VIRMA: variants seen among roughly 807,000 people sequenced by gnomAD.
VIRMA encodes vir like m6A methyltransferase associated.
VIRMA carries 65 observed loss-of-function variants against 182.4 expected under a neutral mutation model. The ratio of observed to expected loss-of-function variants is 0.36; its 90% CI spans 0.29 to 0.44. The LOEUF (loss-of-function observed/expected upper bound fraction) is 0.44. Among genes scored for constraint, VIRMA ranks in the 20% least tolerant of loss-of-function variants. The pLI is 1.00. For synonymous variants in VIRMA, 709 were observed against 743.1 expected, an observed-to-expected ratio of 0.95 and a Z score of 0.75; for missense variants, 1,752 against 2,158.1, an observed-to-expected ratio of 0.81 and a Z score of 3.73.
At chr8:94,549,871 GA>G (rs1209603903) in intron 1 of VIRMA, among the ~76,000 whole-genome samples, 1 of 152,176 alleles carries the variant, frequency 6.6e-6, no homozygotes, top group East Asian at 1.9e-4. Context: ...TGAGGTGGGA[GA>G]ATCGCTTGAG....
intron 10 of VIRMA, among the ~76,000 whole-genome samples, chr8:94,517,037 C>T (rs1814583902): frequency 2.0e-5 from 3 of 152,162 alleles, no homozygotes; most frequent in Non-Finnish European, 4.4e-5. Flanking sequence ...TCATTCGATA[C>T]ACATTTATAT....
intron 1 of VIRMA, among the ~76,000 whole-genome samples, chr8:94,548,829 T>C (rs1054588453): frequency 1.3e-5 from 2 of 152,120 alleles, no homozygotes; most frequent in African/African-American, 4.8e-5. Flanking sequence ...CTAATTTTTT[T>C]TGTATTTTTA....
chr8:94,496,292 T>C (rs374924113), intron 18 of VIRMA, 36 bp downstream of exon 18: 76 of 1,575,358 alleles, frequency 4.8e-5, no homozygotes, highest in Non-Finnish European at 6.0e-5. Flanking sequence ...GAGAGGAAAA[T>C]AGGCCTTAAG....
intron 16 of VIRMA, among the ~76,000 whole-genome samples, chr8:94,501,167 A>G (rs12681564): frequency 0.27 from 40,021 of 150,414 alleles, 5,823 homozygotes; most frequent in East Asian, 0.5. Flanking sequence ...GAGGCAGGAG[A>G]ATCACTTGAA....
In VIRMA at chr8:94,510,922, G is replaced by A; in HGVS notation, c.3390+263C>T. ...AACACATGGTAAGGTGTGGGGGAAA[G>A]GATTTAAAATAACAGAAAAATGTAA... is the stretch of plus-strand genomic sequence containing the variant. On this transcript the variant is annotated intron_variant, in intron 13 of 23. Transcript: ENST00000297591. 3.3e-6 allele frequency: 4 copies of A among 1,225,876 alleles called. No individual in the cohort carries two copies. In the South Asian group the frequency reaches 7.4e-5, roughly 23 times the overall value. The allele number at this position is 1,225,876 out of a possible 1,614,324, so 75.9% of individuals were successfully genotyped here.
Position 94,490,096 on chromosome 8 carries a change from G to C in VIRMA, c.5141-14C>G. 1 of 1,585,924 alleles carries C rather than the reference G, an allele frequency of 6.3e-7. No homozygotes were observed. Among genetic ancestry groups the C allele is most frequent in the Non-Finnish European group, 8.6e-7 (1 of 1,167,926 alleles). On this transcript the variant is annotated splice_polypyrimidine_tract_variant and intron_variant, in intron 22 of 23. Coordinates refer to ENST00000297591, the MANE Select transcript of VIRMA (RefSeq NM_015496.5). ...GACTGTAGTTTCCTAAACACAAACA[G>C]CACAATCAAAATCACTTTTTTCACA...
At chr8:94,525,113 T>A (rs111399760) in intron 8 of VIRMA, among the ~76,000 whole-genome samples, 54 of 152,032 alleles carry the variant, frequency 3.6e-4, no homozygotes, top group African/African-American at 1.2e-3. Context: ...TTCTCAGGGT[T>A]CCCCCCAAAG....
At chr8:94,539,683 G>C (rs553346367) in intron 2 of VIRMA, among the ~76,000 whole-genome samples, 10 of 152,128 alleles carry the variant, frequency 6.6e-5, no homozygotes, top group Admixed American at 1.3e-4. Context: ...CTAAGAAAAT[G>C]TTCACATCAA....
chr8:94,522,784 T>C lies in VIRMA; in HGVS notation c.2022-3308A>G, dbSNP rs191023988. Among the ~76,000 whole-genome samples the C allele has an allele frequency of 9.5e-4, 145 of 152,334 alleles. 1 individual carries two copies. The highest frequency in any genetic ancestry group is 3.3e-3 in the African/African-American group (139 of 41,578). On this transcript the variant is annotated intron_variant, in intron 8 of 23. Coordinates refer to ENST00000297591, the MANE Select transcript of VIRMA (RefSeq NM_015496.5). The stretch of plus-strand genomic sequence containing the variant: ...TACCTAGAAACCTCAGACTATCTTA[T>C]CTTCCTAGTAACTCTAATTTCTTTT...
rs1428687639 is a variant in VIRMA at position 94,487,751 on chromosome 8, A to G, written c.*955T>C. The G allele has an allele frequency of 2.0e-5, 3 of 152,234 alleles. No homozygotes were observed. The highest frequency in any genetic ancestry group is 4.4e-5 in the Non-Finnish European group (3 of 68,040). The allele number at this position is 152,234 out of a possible 1,614,324, so 9.4% of individuals were successfully genotyped here. ...ATATAGACTCAGTGTGTTAAGACGT[A>G]TCTTGGGGAAAATATGGCTACTTTC... is the stretch of plus-strand genomic sequence containing the variant. On this transcript the variant is annotated 3_prime_UTR_variant, in exon 24 of 24. Coordinates refer to ENST00000297591, the MANE Select transcript of VIRMA (RefSeq NM_015496.5).
intron 6 of VIRMA, among the ~76,000 whole-genome samples, chr8:94,530,293 C>T (rs1815121535): frequency 1.3e-5 from 2 of 151,832 alleles, no homozygotes; most frequent in South Asian, 4.2e-4. Flanking sequence ...GCGGGAGGAT[C>T]ACTTGAGTTT....
chr8:94,509,863 T>C lies in VIRMA; in HGVS notation c.3704A>G (p.His1235Arg). 1 of 1,613,952 alleles carries C rather than the reference T, an allele frequency of 6.2e-7. No individual in the cohort carries two copies. Among genetic ancestry groups the C allele is most frequent in the Non-Finnish European group, 8.5e-7 (1 of 1,179,852 alleles). ...CAAAATAGCTAATTTACAAGCTTTG[T>C]GTGAAGCCAGAGCATCAAGAAGAGC... ...LLALLDALAS[H>R]KACKLAILHL... Residue 1235 changes from histidine (H) to arginine (R), a missense_variant, in exon 15 of 24, where the codon CAC (histidine) becomes CGC (arginine). Coordinates refer to ENST00000297591, the MANE Select transcript of VIRMA (RefSeq NM_015496.5).
At chr8:94,507,525 C>A (rs1045182010) in intron 15 of VIRMA, among the ~76,000 whole-genome samples, 3 of 151,710 alleles carry the variant, frequency 2.0e-5, no homozygotes, top group African/African-American at 4.8e-5. Context: ...GAGGCCAAGG[C>A]AAGTGGATTA....
intron 21 of VIRMA, among the ~76,000 whole-genome samples, chr8:94,492,360 T>G (rs552311770): frequency 5.7e-4 from 86 of 151,058 alleles, no homozygotes; most frequent in Non-Finnish European, 1.2e-3. Flanking sequence ...CTCGGCTCAA[T>G]GCAATCTCCA....
At chr8:94,512,478 T>A (rs1814413079) in intron 11 of VIRMA, 1 of 152,412 alleles carries the variant, frequency 6.6e-6, no homozygotes, top group African/African-American at 2.4e-5. Context: ...ATGACTATAT[T>A]TAAAAAGTCC....
At position 94,525,286 on chromosome 8, in the gene VIRMA, C is replaced by T. The variant is rs149216853; in HGVS notation, c.2021+937G>A. On this transcript the variant is annotated intron_variant, in intron 8 of 23. Transcript: ENST00000297591. ...AGGAGATACACTTTAACCAGTTCTT[C>T]GGAGGATCCCCAGTAGGATGAGCCC... 6.0e-3 allele frequency among the ~76,000 whole-genome samples: 911 copies of T among 152,326 alleles called. 12 individuals are homozygous for T. Among genetic ancestry groups the T allele is most frequent in the African/African-American group, 0.021 (861 of 41,582 alleles).
Position 94,499,472 on chromosome 8 carries a change from A to G in VIRMA, c.4132T>C (p.Leu1378=). 3.8e-6 allele frequency: 6 copies of G among 1,597,968 alleles called. No individual in the cohort carries two copies. The highest frequency in any genetic ancestry group is 5.1e-6 in the Non-Finnish European group (6 of 1,166,602). Residue 1378 remains leucine (L), a synonymous_variant, in exon 17 of 24, where the codon TTA becomes CTA. Transcript: ENST00000297591. ...LRKNSSALHS[L]LKRVVSTFSK... is the part of the protein sequence containing the mutation. ...AATGTGCTGACCACTCGTTTCAGTA[A>G]ACTATGCAGAGCACTACTGTTTTTC... is the stretch of plus-strand genomic sequence containing the variant.
chr8:94,541,328 G>C (rs1323066420), intron 2 of VIRMA, among the ~76,000 whole-genome samples: 1 of 151,778 alleles, frequency 6.6e-6, no homozygotes, highest in Non-Finnish European at 1.5e-5. Context: ...CCAAACTCTT[G>C]GTCTCAAGTG....
chr8:94,496,283 A>T (rs745863379), intron 18 of VIRMA, 45 bp downstream of exon 18: 2 of 1,548,440 alleles, frequency 1.3e-6, no homozygotes, highest in Non-Finnish European at 8.7e-7. Context: ...AGTCAAACTG[A>T]GAGGAAAATA....
Sources: gnomAD v4.1 joint callset for allele counts (sites outside exome capture counted in the v4.1 genomes callset) on GRCh38, gnomAD v4.1.1 for gene constraint, MANE v1.5 for transcripts, NCBI Gene and HGNC (gene_info 2026-07-23, HGNC 2026-07-21) for gene names.